Variants in RYR3 observed in about 807,000 individuals in gnomAD.
RYR3 encodes the protein brain ryanodine receptor-calcium release channel.
In RYR3, 207 loss-of-function variants were observed where a neutral mutation model predicts 584.3. The ratio of observed to expected loss-of-function variants is 0.35; its 90% CI spans 0.32 to 0.40. The LOEUF (loss-of-function observed/expected upper bound fraction) is 0.40, where lower values mean the gene tolerates loss of function less well. RYR3 is among the 10% of genes least tolerant of loss of function. RYR3 has a pLI of 1.00. For missense variants in RYR3, 5,616 were observed against 6,089.2 expected, an observed-to-expected ratio of 0.92 and a Z score of 2.59; for synonymous variants, 2,416 against 2,248.5, an observed-to-expected ratio of 1.07 and a Z score of -2.11.
chr15:33,667,034 C>T (rs1343208543), intron 36 of RYR3, among the ~76,000 whole-genome samples: 1 of 152,240 alleles, frequency 6.6e-6, no homozygotes, highest in Non-Finnish European at 1.5e-5. Flanking sequence ...AATTTAACCT[C>T]ACAGAAAAAC....
At chr15:33,700,830 G>T (rs926505943) in intron 41 of RYR3, 147 bp from the exon 42 acceptor site, 3 of 534,580 alleles carry the variant, frequency 5.6e-6, no homozygotes, top group East Asian at 5.9e-5. Flanking sequence ...TAATGCAAGC[G>T]GACTGTCCCA....
intron 90 of RYR3, among the ~76,000 whole-genome samples, 180 bp downstream of exon 90, chr15:33,841,063 C>T (rs1233693913): frequency 1.3e-5 from 2 of 151,850 alleles, no homozygotes; most frequent in African/African-American, 4.8e-5. Context: ...ACAAAAAATA[C>T]AAAAATTGCT....
At chr15:33,864,103 C>T in intron 102 of RYR3, 35 bp from the exon 103 acceptor site, 2 of 1,539,588 alleles carry the variant, frequency 1.3e-6, no homozygotes, top group Non-Finnish European at 8.9e-7. Context: ...TGGGTCTTGA[C>T]CAGAGTATCT....
At chr15:33,563,216 AC>A (rs1294068374) in intron 11 of RYR3, among the ~76,000 whole-genome samples, 1 of 152,222 alleles carries the variant, frequency 6.6e-6, no homozygotes, top group East Asian at 1.9e-4. Flanking sequence ...GGGGGAAAAA[AC>A]AAATACACAG....
intron 19 of RYR3, among the ~76,000 whole-genome samples, chr15:33,616,257 A>G (rs1161607199): frequency 1.3e-5 from 2 of 152,212 alleles, no homozygotes; most frequent in East Asian, 3.9e-4. Context: ...TTGTGTTTAG[A>G]GAATGGTACA....
chr15:33,857,737 G>A (rs764904237), intron 98 of RYR3, 43 bp from the exon 99 acceptor site: 3 of 1,611,782 alleles, frequency 1.9e-6, no homozygotes, highest in Non-Finnish European at 1.7e-6. Flanking sequence ...TCAAGGTAGA[G>A]AAGACCCCAC....
intron 68 of RYR3, among the ~76,000 whole-genome samples, chr15:33,801,618 T>G (rs564585031): frequency 3.5e-4 from 20 of 56,976 alleles, no homozygotes; most frequent in South Asian, 1.6e-3. Flanking sequence ...ACCAAGAGTC[T>G]ATTTTGTCTT....
chr15:33,399,014 A>G (rs2042465801), intron 1 of RYR3, among the ~76,000 whole-genome samples: 1 of 152,196 alleles, frequency 6.6e-6, no homozygotes, highest in South Asian at 2.1e-4. Flanking sequence ...ATGTTAATCC[A>G]GAATCCTGGA....
At chr15:33,857,940 AGCCCACCCACTGCGGGG>A (rs2079871013) in intron 99 of RYR3, 26 bp downstream of exon 99, 1 of 1,569,270 alleles carries the variant, frequency 6.4e-7, no homozygotes, top group African/African-American at 2.1e-5. Context: ...CTGCGGGGCC[AGCCCACCCACTGCGGGG>A]CCACCCCGCC....
intron 20 of RYR3, among the ~76,000 whole-genome samples, chr15:33,626,319 C>T (rs1043839007): frequency 2.0e-5 from 3 of 152,248 alleles, no homozygotes; most frequent in East Asian, 1.9e-4. Flanking sequence ...TAGTAAAGGT[C>T]GCTCCTCCTA....
At chr15:33,555,968 T>G (rs923494804) in intron 10 of RYR3, among the ~76,000 whole-genome samples, 7 of 152,112 alleles carry the variant, frequency 4.6e-5, no homozygotes, top group African/African-American at 1.7e-4. Context: ...GATGAGAAAG[T>G]CTTAAGGGGG....
At chr15:33,637,950 C>A (rs757037953) in intron 27 of RYR3, among the ~76,000 whole-genome samples, 29 of 152,120 alleles carry the variant, frequency 1.9e-4, no homozygotes, top group Non-Finnish European at 4.1e-4. Context: ...TATCCCTCCC[C>A]GCTCCCCCCA....
At chr15:33,815,225 C>T (rs1039123161) in intron 74 of RYR3, among the ~76,000 whole-genome samples, 1 of 152,132 alleles carries the variant, frequency 6.6e-6, no homozygotes, top group African/African-American at 2.4e-5. Flanking sequence ...CAGTCATGGG[C>T]GTTAAGGCTG....
intron 10 of RYR3, among the ~76,000 whole-genome samples, chr15:33,560,710 A>G (rs2057354329): frequency 6.6e-6 from 1 of 152,190 alleles, no homozygotes; most frequent in Non-Finnish European, 1.5e-5. Flanking sequence ...AGCTATGAAT[A>G]TTTCTGCAGT....
intron 1 of RYR3, among the ~76,000 whole-genome samples, chr15:33,348,938 C>T (rs1042632493): frequency 7.2e-5 from 11 of 152,020 alleles, no homozygotes; most frequent in Non-Finnish European, 7.4e-5. Context: ...CTCCTCCCCC[C>T]GACACCCTGG....
At chr15:33,389,195 T>TGTGCACATGTG (rs2141264706) in intron 1 of RYR3, among the ~76,000 whole-genome samples, 1 of 152,158 alleles carries the variant, frequency 6.6e-6, no homozygotes, top group Admixed American at 6.5e-5. Context: ...ACCTGCACGT[T>TGTGCACATGTG]GTGCACATGT....
At chr15:33,703,101 G>C (rs1168666792) in intron 42 of RYR3, among the ~76,000 whole-genome samples, 1 of 152,164 alleles carries the variant, frequency 6.6e-6, no homozygotes, top group East Asian at 1.9e-4. Context: ...CATTGGCCAA[G>C]CTGCAAAACC....
intron 31 of RYR3, among the ~76,000 whole-genome samples, chr15:33,651,741 G>T (rs2062484140): frequency 1.3e-5 from 2 of 152,332 alleles, no homozygotes; most frequent in South Asian, 4.1e-4. Flanking sequence ...AGTCACATCA[G>T]ACTGACCCTA....
At chr15:33,385,912 C>T (rs1265211772) in intron 1 of RYR3, among the ~76,000 whole-genome samples, 1 of 151,952 alleles carries the variant, frequency 6.6e-6, no homozygotes. Context: ...ACTATGTTAC[C>T]TAGGCTGGTC....
Sources: gnomAD v4.1 joint callset for allele counts (sites outside exome capture counted in the v4.1 genomes callset) on GRCh38, gnomAD v4.1.1 for gene constraint, MANE v1.5 for transcripts, NCBI Gene and HGNC (gene_info 2026-07-23, HGNC 2026-07-21) for gene names.